Variants in CRACR2A observed in about 807,000 individuals in gnomAD.
The protein encoded by CRACR2A is calcium release activated channel regulator 2A, also known as EF-hand calcium-binding domain-containing protein 4B.
Under a neutral mutation model 90.5 loss-of-function variants are expected in CRACR2A, and 79 were observed. The ratio of observed to expected loss-of-function variants is 0.87; its 90% confidence interval spans 0.73 to 1.05. CRACR2A has a LOEUF of 1.05. Among genes scored for constraint, CRACR2A ranks in the 50% least tolerant of loss-of-function variants. The probability of loss-of-function intolerance (pLI) is 0.00; values close to 1 mark genes in which losing one functional copy is unlikely to be tolerated. For missense variants in CRACR2A, 823 were observed against 897.2 expected (o/e 0.92, Z 1.06); for synonymous variants, 338 against 356.7 (o/e 0.95, Z 0.59).
At chr12:3,625,527 TG>T (rs1456082553) in intron 17 of CRACR2A, among the ~76,000 whole-genome samples, 1 of 150,466 alleles carries the variant, frequency 6.6e-6, no homozygotes, top group African/African-American at 2.5e-5. Context: ...ATTTAGATAC[TG>T]GGGGACAACT....
At chr12:3,659,043 T>A (rs1004790848) in intron 8 of CRACR2A, among the ~76,000 whole-genome samples, 1 of 152,170 alleles carries the variant, frequency 6.6e-6, no homozygotes, top group Non-Finnish European at 1.5e-5. Flanking sequence ...ATTTTCCATG[T>A]GTCTAAGGGT....
intron 17 of CRACR2A, among the ~76,000 whole-genome samples, chr12:3,624,982 C>T (rs979016520): frequency 6.6e-6 from 1 of 150,452 alleles, no homozygotes; most frequent in South Asian, 2.1e-4. Flanking sequence ...AGAGAAGGCC[C>T]TGGCCCCTGG....
intron 2 of CRACR2A, among the ~76,000 whole-genome samples, chr12:3,724,135 T>C (rs1187613979): frequency 6.6e-6 from 1 of 152,134 alleles, no homozygotes; most frequent in Non-Finnish European, 1.5e-5. Flanking sequence ...AGATTCTTCT[T>C]GTCAGGCGGC....
At chr12:3,673,196 G>A (rs1469811238) in intron 7 of CRACR2A, among the ~76,000 whole-genome samples, 2 of 152,196 alleles carry the variant, frequency 1.3e-5, no homozygotes, top group Admixed American at 6.5e-5. Context: ...CCTTCAAAGC[G>A]TTGTGGTGAG....
intron 17 of CRACR2A, among the ~76,000 whole-genome samples, chr12:3,626,527 A>T (rs763362172): frequency 6.6e-6 from 1 of 152,210 alleles, no homozygotes; most frequent in African/African-American, 2.4e-5. Flanking sequence ...CATAAGCTTC[A>T]TGAGGGCAGG....
At position 3,745,788 on chromosome 12, in the gene CRACR2A, A is replaced by ATAACATAACATAACATAACATAACATAAC. The variant is rs1356770696; in HGVS notation, c.-387+7226_-387+7227insGTTATGTTATGTTATGTTATGTTATGTTA. Among the ~76,000 whole-genome samples, 3 of 7,388 alleles carry ATAACATAACATAACATAACATAACATAAC rather than the reference A, an allele frequency of 4.1e-4. 1 individual carries two copies. The allele number at this position is 7,388 out of a possible 152,430, so 4.8% of individuals were successfully genotyped here. ...AACAAAACTTCGTCTCAAAAAATAA[A>ATAACATAACATAACATAACATAACATAAC]ATAAAATAAAATAAAATAAAATAAA... On this transcript the variant is annotated intron_variant, in intron 1 of 19. Transcript: ENST00000440314.
At chr12:3,623,435 G>A (rs1488552292) in intron 17 of CRACR2A, among the ~76,000 whole-genome samples, 9 of 152,116 alleles carry the variant, frequency 5.9e-5, no homozygotes, top group Non-Finnish European at 1.0e-4. Context: ...AGACACTGGG[G>A]GCCAGCAATC....
In CRACR2A at chr12:3,746,677, A is replaced by AC. The variant is rs1946632555; in HGVS notation, c.-387+6337dup. Among the ~76,000 whole-genome samples the AC allele has an allele frequency of 6.6e-6, 1 of 152,032 alleles. No homozygotes were observed. Among genetic ancestry groups the AC allele is most frequent in the Non-Finnish European group, 1.5e-5 (1 of 68,000 alleles). ...GACCACCCCTCTCTTCTTAGACCAG[A>AC]CCCCCTGCAGGACCCTTTGCTGGCA... is the stretch of plus-strand genomic sequence containing the variant. On this transcript the variant is annotated intron_variant, in intron 1 of 19. Coordinates refer to ENST00000440314, the MANE Select transcript of CRACR2A (RefSeq NM_001144958.2). The surrounding 1 kb of genome is among the most constrained non-coding windows in gnomAD (Gnocchi z 4.4).
intron 14 of CRACR2A, among the ~76,000 whole-genome samples, chr12:3,636,198 T>A (rs1944451673): frequency 6.6e-6 from 1 of 152,254 alleles, no homozygotes; most frequent in South Asian, 2.1e-4. Flanking sequence ...ATGGTATTTT[T>A]AAGTTTTTGA....
Position 3,638,167 on chromosome 12 carries a change from G to A in CRACR2A, c.1559C>T (p.Thr520Ile), listed in dbSNP as rs1257352686. 5.8e-6 allele frequency: 9 copies of A among 1,550,308 alleles called. No individual in the cohort carries two copies. The Admixed American group carries it at 1.4e-4, about 24-fold the overall frequency. Residue 520 changes from threonine (T) to isoleucine (I), a missense_variant, in exon 14 of 20, where the codon ACA becomes ATA. Transcript: ENST00000440314. Reference protein sequence around the residue: ...PEAPPLKLTPTSPRGQPVGKE... With the variant: ...PEAPPLKLTPISPRGQPVGKE... ...TCCAACAGGCTGCCCTCGGGGGGAT[G>A]TGGGGGTGAGTTTCAAGGGTGGGGC... is the stretch of plus-strand genomic sequence containing the variant.
At chr12:3,708,468 A>G (rs565328980) in intron 3 of CRACR2A, among the ~76,000 whole-genome samples, 9 of 152,142 alleles carry the variant, frequency 5.9e-5, no homozygotes, top group Non-Finnish European at 1.3e-4. Flanking sequence ...TCAGTCGCCC[A>G]GGCTGGAGTG....
rs1404050176 is a variant in CRACR2A at position 3,643,867 on chromosome 12, ATAT to A, written c.1164+725_1164+727del. 4.2e-3 allele frequency among the ~76,000 whole-genome samples: 234 copies of A among 56,010 alleles called. 2 individuals are homozygous for A. The highest frequency in any genetic ancestry group is 0.013 in the Admixed American group (33 of 2,474). The allele number at this position is 56,010 out of a possible 152,430, so 36.7% of individuals were successfully genotyped here. ...TATATATTATATATTTATATTATAT[ATAT>A]TATATATATTTATATTAATATATAA... is the stretch of plus-strand genomic sequence containing the variant. On this transcript the variant is annotated intron_variant, in intron 12 of 19. Transcript: ENST00000440314.
intron 1 of CRACR2A, among the ~76,000 whole-genome samples, chr12:3,744,899 C>T (rs933105665): frequency 5.3e-5 from 8 of 152,146 alleles, no homozygotes; most frequent in African/African-American, 1.9e-4. Flanking sequence ...TACTTACTGC[C>T]ACTGCGCAGT....
intron 7 of CRACR2A, among the ~76,000 whole-genome samples, chr12:3,664,867 T>C (rs2137529643): frequency 6.6e-6 from 1 of 152,240 alleles, no homozygotes; most frequent in Admixed American, 6.5e-5. Context: ...AGTAGCCAGG[T>C]GTGGTGGTAC....
In CRACR2A at chr12:3,711,092, C is replaced by A. The variant is rs4766163; in HGVS notation, c.-37+2145G>T. On this transcript the variant is annotated intron_variant, in intron 3 of 19. Coordinates refer to ENST00000440314, the MANE Select transcript of CRACR2A (RefSeq NM_001144958.2). The surrounding 1 kb of genome is among the most constrained non-coding windows in gnomAD (Gnocchi z 4.3). ...AACTCAAAGGCAGAAAGTCCAAAAT[C>A]TCATGTAAATATCATGTAAATTAGA... Among the ~76,000 whole-genome samples the A allele has an allele frequency of 0.27, 40,450 of 152,130 alleles. 6,483 individuals are homozygous for A. The highest frequency in any genetic ancestry group is 0.36 in the Non-Finnish European group (24,489 of 67,962).
rs115783843 is a variant in CRACR2A at position 3,717,549 on chromosome 12, G to A, written c.-117-4232C>T. Among the ~76,000 whole-genome samples the A allele has an allele frequency of 7.7e-3, 1,171 of 152,222 alleles. 11 individuals are homozygous for A. The highest frequency in any genetic ancestry group is 0.027 in the African/African-American group (1,108 of 41,526). ...GGGTAAGCTCCCTGGACACACCACC[G>A]ACTGAACGATAACAACAGCAATAAC... is the stretch of plus-strand genomic sequence containing the variant. On this transcript the variant is annotated intron_variant, in intron 2 of 19. Coordinates refer to ENST00000440314, the MANE Select transcript of CRACR2A (RefSeq NM_001144958.2).
chr12:3,615,865 A>C (rs1867669609), intron 19 of CRACR2A, among the ~76,000 whole-genome samples: 1 of 152,216 alleles, frequency 6.6e-6, no homozygotes, highest in African/African-American at 2.4e-5. Flanking sequence ...CACAGTAACC[A>C]GCACACAGGT....
chr12:3,654,176 G>A (rs751617897), intron 10 of CRACR2A, 36 bp downstream of exon 10: 6 of 1,599,718 alleles, frequency 3.8e-6, no homozygotes, highest in Non-Finnish European at 5.1e-6. Flanking sequence ...AGTGGTGCGG[G>A]AAGACAGCAG....
chr12:3,680,436 G>C (rs1945427036), intron 4 of CRACR2A, 87 bp from the exon 5 acceptor site: 1 of 1,173,582 alleles, frequency 8.5e-7, no homozygotes, highest in Non-Finnish European at 1.2e-6. Flanking sequence ...CTGCCAGAAA[G>C]TGTCTAGAGT....
Sources: allele counts gnomAD v4.1 joint callset (sites outside exome capture counted in the v4.1 genomes callset), GRCh38; gene constraint gnomAD v4.1.1; non-coding constraint Gnocchi (gnomAD v3.1); transcripts MANE v1.5; gene names NCBI Gene and HGNC (gene_info 2026-07-23, HGNC 2026-07-21).